The following CELF2 variants were observed in gnomAD, a reference collection of about 807,000 sequenced individuals.
CELF2 encodes the protein CUG triplet repeat RNA-binding protein 2.
Under a neutral mutation model 62.6 loss-of-function variants are expected in CELF2, and 8 were observed. The ratio of observed to expected loss-of-function variants is 0.13; its 90% CI spans 0.07 to 0.23. CELF2 has a LOEUF of 0.23. CELF2 is among the 10% of genes least tolerant of loss of function. The probability of loss-of-function intolerance (pLI) is 1.00; values close to 1 mark genes in which losing one functional copy is unlikely to be tolerated. For synonymous variants in CELF2, 258 were observed against 250.0 expected (o/e 1.03, Z -0.30); for missense variants, 333 against 671.0 (o/e 0.50, Z 5.56).
intron 1 of CELF2, among the ~76,000 whole-genome samples, chr10:10,884,223 CA>C (rs1362300130): frequency 3.9e-5 from 6 of 152,178 alleles, no homozygotes; most frequent in African/African-American, 1.2e-4. Context: ...AGCTCTGTAA[CA>C]GTGACTCTAT....
the CELF2 span, among the ~76,000 whole-genome samples, chr10:10,549,468 G>A: frequency 6.6e-6 from 1 of 152,188 alleles, no homozygotes; most frequent in African/African-American, 2.4e-5. Context: ...ATTTTTAGTA[G>A]AGACAGGGTT....
At chr10:11,112,517 G>C (rs1216073327) in intron 1 of CELF2, among the ~76,000 whole-genome samples, 1 of 152,230 alleles carries the variant, frequency 6.6e-6, no homozygotes, top group Admixed American at 6.5e-5. Flanking sequence ...AGAACCGTTG[G>C]CCAGGCTCGG....
chr10:10,561,032 G>A, the CELF2 span, among the ~76,000 whole-genome samples: 2 of 149,062 alleles, frequency 1.3e-5, no homozygotes, highest in Admixed American at 1.4e-4. Context: ...AGTGGGAGGG[G>A]GGTGACAGAT....
intron 1 of CELF2, among the ~76,000 whole-genome samples, chr10:10,832,423 A>G (rs1029445712): frequency 6.6e-6 from 1 of 152,224 alleles, no homozygotes; most frequent in Non-Finnish European, 1.5e-5. Context: ...GATCCCAGAT[A>G]TAGAGACAAG....
rs1009453218 is a variant in CELF2 at position 11,178,121 on chromosome 10, C to T, written c.271+12439C>T. On this transcript the variant is annotated intron_variant, in intron 2 of 12. Transcript: ENST00000633077. The surrounding 1 kb of genome is among the most constrained non-coding windows in gnomAD (Gnocchi z 4.3). ...GCTACCTGCCACATGCCCTGGCCTGCGTCAGCGTTATGGAGTAGGCAACCT... is the reference window on the plus strand; with the variant it reads ...GCTACCTGCCACATGCCCTGGCCTGTGTCAGCGTTATGGAGTAGGCAACCT... Among the ~76,000 whole-genome samples, 8 of 152,212 alleles carry T rather than the reference C, an allele frequency of 5.3e-5. No individual in the cohort carries two copies. In the East Asian group the frequency reaches 9.6e-4, roughly 18 times the overall value.
intron 1 of CELF2, among the ~76,000 whole-genome samples, chr10:11,028,481 G>A (rs1189564835): frequency 3.3e-5 from 5 of 150,706 alleles, no homozygotes; most frequent in Admixed American, 6.6e-5. Flanking sequence ...GTGCAGTGGC[G>A]CGATCCCGGC....
chr10:10,489,357 T>C, the CELF2 span, among the ~76,000 whole-genome samples: 3 of 152,112 alleles, frequency 2.0e-5, no homozygotes, highest in Non-Finnish European at 2.9e-5. Flanking sequence ...CTGGTACATT[T>C]GTAGCATAAT....
chr10:11,049,753 T>C (rs2063571651), intron 1 of CELF2, among the ~76,000 whole-genome samples: 1 of 152,102 alleles, frequency 6.6e-6, no homozygotes. Context: ...TTGTTTTTCT[T>C]TAAATGGGTT....
chr10:10,684,022 G>T, the CELF2 span, among the ~76,000 whole-genome samples: 4 of 151,850 alleles, frequency 2.6e-5, no homozygotes, highest in Non-Finnish European at 5.9e-5. Flanking sequence ...AAAAAAAATC[G>T]CACGTACTTT....
chr10:10,805,226 G>A (rs539220873), intron 1 of CELF2, among the ~76,000 whole-genome samples: 9 of 152,308 alleles, frequency 5.9e-5, no homozygotes, highest in Admixed American at 2.6e-4. Flanking sequence ...CATACAACAG[G>A]TGTGGAGCCC....
chr10:10,523,732 G>A, the CELF2 span, among the ~76,000 whole-genome samples: 4 of 152,336 alleles, frequency 2.6e-5, no homozygotes, highest in East Asian at 3.9e-4. Context: ...AATAAAAACA[G>A]AGCATGGCTC....
chr10:11,232,430 T>TG (rs970551238), intron 3 of CELF2, among the ~76,000 whole-genome samples: 1 of 152,004 alleles, frequency 6.6e-6, no homozygotes, highest in South Asian at 2.1e-4. Context: ...CCCGTGATCT[T>TG]GGGGGGAAAA....
intron 5 of CELF2, among the ~76,000 whole-genome samples, chr10:11,261,509 GTT>G (rs2080577271): frequency 6.6e-6 from 1 of 151,562 alleles, no homozygotes; most frequent in South Asian, 2.1e-4. Flanking sequence ...CCCAGCCCAT[GTT>G]CCAGGGCAGA....
the CELF2 span, among the ~76,000 whole-genome samples, chr10:10,628,985 A>G: frequency 3.3e-5 from 5 of 152,216 alleles, no homozygotes; most frequent in African/African-American, 1.2e-4. Context: ...AAGAGCAGAA[A>G]AGGACCCACA....
At chr10:11,222,345 A>G (rs1316270927) in intron 3 of CELF2, among the ~76,000 whole-genome samples, 1 of 152,090 alleles carries the variant, frequency 6.6e-6, no homozygotes, top group East Asian at 1.9e-4. Flanking sequence ...TTGCCATAAA[A>G]TCTCTCAAAC....
At chr10:11,054,616 C>T (rs78550041) in intron 1 of CELF2, among the ~76,000 whole-genome samples, 28 of 151,986 alleles carry the variant, frequency 1.8e-4, no homozygotes, top group African/African-American at 6.3e-4. Flanking sequence ...CTCTGGTGGA[C>T]GTGTAGTCTG....
chr10:10,933,122 A>C (rs2066258278), intron 2 of CELF2, among the ~76,000 whole-genome samples: 1 of 134,066 alleles, frequency 7.5e-6, no homozygotes, highest in Non-Finnish European at 1.6e-5. Context: ...TGGCAAAACC[A>C]AGTCTCTTAA....
Position 11,026,894 on chromosome 10 carries a change from C to A in CELF2, c.74+8731C>A, listed in dbSNP as rs149123520. On this transcript the variant is annotated intron_variant, in intron 1 of 12. Coordinates refer to ENST00000633077, the MANE Select transcript of CELF2 (RefSeq NM_001326342.2). ...TGCGCATTGAACTGTATTTTGACTT[C>A]CTACATTATAGGAGGAGTGTTGAGT... Among the ~76,000 whole-genome samples, 24 of 152,242 alleles carry A rather than the reference C, an allele frequency of 1.6e-4. No homozygotes were observed. In the East Asian group the frequency reaches 4.4e-3, roughly 28 times the overall value.
Position 11,315,829 on chromosome 10 carries a change from G to A in CELF2, c.1096+1571G>A, listed in dbSNP as rs2094928156. On this transcript the variant is annotated intron_variant, in intron 10 of 12. Coordinates refer to ENST00000633077, the MANE Select transcript of CELF2 (RefSeq NM_001326342.2). This position sits in a 1 kb window ranked among gnomAD's most constrained non-coding sequence, Gnocchi z 5.8. Reference sequence around the variant, plus strand: ...TCGCTCTGACCTTGTCCTTCACCTAGGTCGAGGACGCGTGTGCTCGCACAC... The same window carrying A: ...TCGCTCTGACCTTGTCCTTCACCTAAGTCGAGGACGCGTGTGCTCGCACAC... Among the ~76,000 whole-genome samples, 1 of 152,220 alleles carries A rather than the reference G, an allele frequency of 6.6e-6. No homozygotes were observed.
Sources: allele counts gnomAD v4.1 joint callset (sites outside exome capture counted in the v4.1 genomes callset), GRCh38; gene constraint gnomAD v4.1.1; non-coding constraint Gnocchi (gnomAD v3.1); transcripts MANE v1.5; gene names NCBI Gene and HGNC (gene_info 2026-07-23, HGNC 2026-07-21).